Variants in EDNRA observed in about 807,000 individuals in gnomAD.
The protein encoded by EDNRA is endothelin receptor type A.
Under a neutral mutation model 41.4 loss-of-function variants are expected in EDNRA, and 11 were observed. The ratio of observed to expected loss-of-function variants is 0.27; its 90% CI spans 0.17 to 0.44. The LOEUF (loss-of-function observed/expected upper bound fraction) is 0.44. Ranked by LOEUF, EDNRA falls within the 20% of genes least tolerant of loss-of-function variation. The pLI is 1.00. For missense variants in EDNRA, 294 were observed against 531.0 expected, an observed-to-expected ratio of 0.55 and a Z score of 4.39; for synonymous variants, 172 against 183.0, an observed-to-expected ratio of 0.94 and a Z score of 0.49.
In EDNRA at chr4:147,540,325, G is replaced by T; in HGVS notation, c.1035-52G>T. 2.9e-6 allele frequency: 4 copies of T among 1,390,668 alleles called. No individual in the cohort carries two copies. In the South Asian group the frequency reaches 5.2e-5, roughly 18 times the overall value. The allele number at this position is 1,390,668 out of a possible 1,614,324, so 86.1% of individuals were successfully genotyped here. On this transcript the variant is annotated intron_variant, in intron 6 of 7. Transcript: ENST00000651419. ...TTCTAGGAAGAAATGCTAGTGAGCA[G>T]ATTTTAAAACAATATATTCTAATTA...
At chr4:147,513,571 G>GCTA (rs1308591289) in intron 2 of EDNRA, among the ~76,000 whole-genome samples, 1 of 152,120 alleles carries the variant, frequency 6.6e-6, no homozygotes, top group Non-Finnish European at 1.5e-5. Context: ...GTTTTTGTTT[G>GCTA]CTACTGAGTC....
chr4:147,487,413 G>C (rs927049974), intron 2 of EDNRA, among the ~76,000 whole-genome samples: 16 of 152,204 alleles, frequency 1.1e-4, no homozygotes, highest in Admixed American at 9.2e-4. Context: ...ATCTATGCCA[G>C]ATTTTATGAA....
intron 2 of EDNRA, among the ~76,000 whole-genome samples, chr4:147,500,052 G>A (rs1195463049): frequency 1.3e-5 from 2 of 151,778 alleles, no homozygotes; most frequent in Admixed American, 6.6e-5. Context: ...TGGTCTGCCC[G>A]CCTCAGCCTC....
chr4:147,514,029 G>C (rs145232531), intron 2 of EDNRA, among the ~76,000 whole-genome samples: 1 of 152,172 alleles, frequency 6.6e-6, no homozygotes, highest in African/African-American at 2.4e-5. Context: ...TAAATGGTAC[G>C]TTTCAGTTTA....
intron 2 of EDNRA, among the ~76,000 whole-genome samples, chr4:147,502,553 G>A (rs1729551693): frequency 6.6e-6 from 1 of 152,166 alleles, no homozygotes; most frequent in African/African-American, 2.4e-5. Flanking sequence ...CTGAAGAATT[G>A]TACTTTTTCC....
intron 2 of EDNRA, chr4:147,493,960 C>A (rs1000752727): frequency 1.3e-5 from 2 of 152,138 alleles, no homozygotes; most frequent in African/African-American, 4.8e-5. Context: ...ATTTAGAGGT[C>A]GCTTCTCAGA....
chr4:147,518,395 C>T (rs1429684006), intron 2 of EDNRA, among the ~76,000 whole-genome samples: 2 of 152,042 alleles, frequency 1.3e-5, no homozygotes, highest in Non-Finnish European at 2.9e-5. Context: ...GAGAAGACAC[C>T]AATCGAGACT....
intron 2 of EDNRA, chr4:147,493,808 G>C (rs1729217981): frequency 6.6e-6 from 1 of 151,880 alleles, no homozygotes; most frequent in Non-Finnish European, 1.5e-5. Flanking sequence ...ATTTAAATTT[G>C]GTACATTTTT....
intron 1 of EDNRA, among the ~76,000 whole-genome samples, chr4:147,484,617 G>T (rs990033967): frequency 4.6e-5 from 7 of 152,156 alleles, no homozygotes; most frequent in African/African-American, 1.7e-4. Flanking sequence ...ACAGTGACTG[G>T]CATAAAATAA....
chr4:147,532,323 C>A, intron 3 of EDNRA, among the ~76,000 whole-genome samples, 183 bp from the exon 4 acceptor site: 1 of 83,106 alleles, frequency 1.2e-5, no homozygotes, highest in Non-Finnish European at 2.1e-5. Flanking sequence ...GAGATTTTGC[C>A]TCAAAAAAAA....
chr4:147,489,878 C>T (rs1729074900), intron 2 of EDNRA: 1 of 152,074 alleles, frequency 6.6e-6, no homozygotes, highest in Admixed American at 6.6e-5. Context: ...CAAGGCCCTC[C>T]ACACTTTGGC....
At chr4:147,510,645 A>G (rs1488606962) in intron 2 of EDNRA, among the ~76,000 whole-genome samples, 1 of 152,206 alleles carries the variant, frequency 6.6e-6, no homozygotes, top group Non-Finnish European at 1.5e-5. Context: ...TCACTGGGCA[A>G]ATTTACTATA....
In EDNRA at chr4:147,485,921, A is replaced by G. The variant is rs139702916; in HGVS notation, c.240A>G (p.Lys80=). Residue 80 remains lysine, a synonymous_variant, in exon 2 of 8, where the codon AAA becomes AAG. Transcript: ENST00000651419. ...PQQTKITSAF[K]YINTVISCTI... ...AGACTAAAATTACTTCAGCTTTCAA[A>G]TACATTAACACTGTGATATCTTGTA... is the stretch of plus-strand genomic sequence containing the variant. 1.7e-5 allele frequency: 27 copies of G among 1,614,158 alleles called. No individual in the cohort carries two copies. In the African/African-American group the frequency reaches 2.9e-4, roughly 18 times the overall value.
intron 3 of EDNRA, among the ~76,000 whole-genome samples, chr4:147,529,056 A>G (rs1474696268): frequency 2.0e-5 from 3 of 152,212 alleles, no homozygotes; most frequent in Admixed American, 6.5e-5. Context: ...GCAATCATCA[A>G]GGCACTGCGA....
chr4:147,540,529 T>A, intron 7 of EDNRA, 44 bp downstream of exon 7: 1 of 1,383,714 alleles, frequency 7.2e-7, no homozygotes, highest in Non-Finnish European at 1.0e-6. Flanking sequence ...ACAAAATGAG[T>A]ATATTAAACA....
intron 2 of EDNRA, among the ~76,000 whole-genome samples, chr4:147,498,306 G>T (rs1250318249): frequency 1.3e-5 from 2 of 152,138 alleles, no homozygotes; most frequent in Non-Finnish European, 2.9e-5. Flanking sequence ...TTCATTAATT[G>T]TATGGAGTGA....
intron 1 of EDNRA, among the ~76,000 whole-genome samples, chr4:147,483,649 T>C (rs574249491): frequency 3.9e-5 from 6 of 152,294 alleles, no homozygotes; most frequent in African/African-American, 1.4e-4. Flanking sequence ...TCAAAATTCC[T>C]AAAAGTGGTT....
At position 147,485,988 on chromosome 4, in the gene EDNRA, A is replaced by C; in HGVS notation, c.307A>C (p.Arg103=). Reference sequence around the variant, plus strand: ...AATGGTGGGGAATGCAACTCTGCTCAGGATCATTTACCAGAACAAATGTAT... The same window carrying C: ...AATGGTGGGGAATGCAACTCTGCTCCGGATCATTTACCAGAACAAATGTAT... ...VGMVGNATLL[R]IIYQNKCMRN... is the part of the protein sequence containing the mutation. Residue 103 remains arginine, a synonymous_variant, in exon 2 of 8, where the codon AGG becomes CGG. Coordinates refer to ENST00000651419, the MANE Select transcript of EDNRA (RefSeq NM_001957.4). 1 of 1,614,276 alleles carries C rather than the reference A, an allele frequency of 6.2e-7. No homozygotes were observed. The highest frequency in any genetic ancestry group is 1.1e-5 in the South Asian group (1 of 91,090).
In EDNRA at chr4:147,524,265, T is replaced by G. The variant is rs192252324; in HGVS notation, c.548+4287T>G. Among the ~76,000 whole-genome samples the G allele has an allele frequency of 7.7e-3, 1,170 of 152,166 alleles. 7 individuals are homozygous for G. Among genetic ancestry groups the G allele is most frequent in the Middle Eastern group, 0.017 (5 of 294 alleles). Reference sequence around the variant, plus strand: ...TTTTGTTCTGCCTCCTCTTTCTTCCTTGGGGGGATCTAGGAGCATCATGCG... The same window carrying G: ...TTTTGTTCTGCCTCCTCTTTCTTCCGTGGGGGGATCTAGGAGCATCATGCG... On this transcript the variant is annotated intron_variant, in intron 3 of 7. Coordinates refer to ENST00000651419, the MANE Select transcript of EDNRA (RefSeq NM_001957.4).
Sources: gnomAD v4.1 joint callset for allele counts (sites outside exome capture counted in the v4.1 genomes callset) on GRCh38, gnomAD v4.1.1 for gene constraint, MANE v1.5 for transcripts, NCBI Gene and HGNC (gene_info 2026-07-23, HGNC 2026-07-21) for gene names.